The following KIRREL3 variants were observed in gnomAD, a reference collection of about 807,000 sequenced individuals.
The protein encoded by KIRREL3 is kin of IRRE-like protein 3.
Under a neutral mutation model 89.7 loss-of-function variants are expected in KIRREL3, and 36 were observed. The ratio of observed to expected loss-of-function variants is 0.40; its 90% CI spans 0.31 to 0.53. The LOEUF (loss-of-function observed/expected upper bound fraction) is 0.53, where lower values mean the gene tolerates loss of function less well. Ranked by LOEUF, KIRREL3 falls within the 20% of genes least tolerant of loss-of-function variation. The pLI is 0.49. For synonymous variants in KIRREL3, 445 were observed against 441.4 expected, an observed-to-expected ratio of 1.01 and a Z score of -0.10; for missense variants, 864 against 1,056.6, an observed-to-expected ratio of 0.82 and a Z score of 2.53.
intron 1 of KIRREL3, among the ~76,000 whole-genome samples, chr11:126,798,091 A>G (rs959914668): frequency 6.6e-6 from 1 of 152,102 alleles, no homozygotes; most frequent in African/African-American, 2.4e-5. Context: ...CACCACAGCC[A>G]GGTGGAGAGG....
Position 126,541,047 on chromosome 11 carries a change from G to A in KIRREL3, c.134-14360C>T, listed in dbSNP as rs1206474400. 6.6e-6 allele frequency among the ~76,000 whole-genome samples: 1 copy of A among 152,172 alleles called. No homozygotes were observed. The highest frequency in any genetic ancestry group is 1.5e-5 in the Non-Finnish European group (1 of 68,034). ...AAGAGGGAGCTGCAGGCTCGGCTAT[G>A]GGCAGGCTCGGCTACAGCAGACAGA... On this transcript the variant is annotated intron_variant, in intron 2 of 16. Coordinates refer to ENST00000525144, the MANE Select transcript of KIRREL3 (RefSeq NM_032531.4). The surrounding 1 kb of genome is among the most constrained non-coding windows in gnomAD (Gnocchi z 4.8).
intron 1 of KIRREL3, among the ~76,000 whole-genome samples, chr11:126,599,196 T>C (rs778276460): frequency 5.3e-5 from 8 of 152,140 alleles, no homozygotes; most frequent in Non-Finnish European, 1.0e-4. Context: ...ATATAAATGT[T>C]TCTAGAAATC....
At chr11:126,834,408 C>G (rs1416568646) in intron 1 of KIRREL3, among the ~76,000 whole-genome samples, 3 of 152,214 alleles carry the variant, frequency 2.0e-5, no homozygotes, top group African/African-American at 7.2e-5. Flanking sequence ...AAAAGCCTGA[C>G]TCACAGATAA....
Position 126,732,515 on chromosome 11 carries a change from G to A in KIRREL3, c.56-169603C>T, listed in dbSNP as rs796521765. Among the ~76,000 whole-genome samples the A allele has an allele frequency of 9.2e-5, 14 of 152,264 alleles. 1 individual carries two copies. Among genetic ancestry groups the A allele is most frequent in the African/African-American group, 3.4e-4 (14 of 41,550 alleles). On this transcript the variant is annotated intron_variant, in intron 1 of 16. Transcript: ENST00000525144. ...ATGACGTTTTCTACTAAGCAAGTTA[G>A]GACTAAACAGCTCATAACAACAGCC...
Position 126,446,481 on chromosome 11 carries a change from T to G in KIRREL3, c.1125+278A>C, listed in dbSNP as rs964717088. 7.2e-5 allele frequency among the ~76,000 whole-genome samples: 11 copies of G among 152,158 alleles called. No homozygotes were observed. The East Asian group carries it at 1.9e-3, about 27-fold the overall frequency. ...CCACTGTGCCCACTTGAAAAGCCTTTCTAGTGCCTTCCCTCCCAGCACATT... is the reference window on the plus strand; with the variant it reads ...CCACTGTGCCCACTTGAAAAGCCTTGCTAGTGCCTTCCCTCCCAGCACATT... On this transcript the variant is annotated intron_variant, in intron 9 of 16. Transcript: ENST00000525144.
rs951322906 is a variant in KIRREL3 at position 126,959,439 on chromosome 11, T to C, written c.55+41016A>G. Among the ~76,000 whole-genome samples, 20 of 152,320 alleles carry C rather than the reference T, an allele frequency of 1.3e-4. 1 individual carries two copies. Among genetic ancestry groups the C allele is most frequent in the African/African-American group, 3.4e-4 (14 of 41,552 alleles). ...ACTCTTATACCCCTAAATGTTGTTGTTGTTGTTGTTGTTTTAGCCAGGGTT... is the reference window on the plus strand; with the variant it reads ...ACTCTTATACCCCTAAATGTTGTTGCTGTTGTTGTTGTTTTAGCCAGGGTT... On this transcript the variant is annotated intron_variant, in intron 1 of 16. Coordinates refer to ENST00000525144, the MANE Select transcript of KIRREL3 (RefSeq NM_032531.4).
chr11:126,467,070 C>T (rs1956747423), intron 5 of KIRREL3, among the ~76,000 whole-genome samples: 1 of 152,260 alleles, frequency 6.6e-6, no homozygotes, highest in Admixed American at 6.5e-5. Context: ...GGCGTGTGTG[C>T]AGCATGTGTC....
Position 126,755,823 on chromosome 11 carries a change from CAGAGAGAGAG to C in KIRREL3, c.56-192921_56-192912del, listed in dbSNP as rs10616492. Among the ~76,000 whole-genome samples, 341 of 147,944 alleles carry C rather than the reference CAGAGAGAGAG, an allele frequency of 2.3e-3. 1 individual carries two copies. Among genetic ancestry groups the C allele is most frequent in the African/African-American group, 5.9e-3 (237 of 39,854 alleles). On this transcript the variant is annotated intron_variant, in intron 1 of 16. Coordinates refer to ENST00000525144, the MANE Select transcript of KIRREL3 (RefSeq NM_032531.4). This position sits in a 1 kb window ranked among gnomAD's most constrained non-coding sequence, Gnocchi z 4.3. ...GCGTGCTCGCCATCTGCCATTCAGG[CAGAGAGAGAG>C]AGAGAGAGAGAGAGAGAGAGAGGGA...
Position 126,568,480 on chromosome 11 carries a change from G to T in KIRREL3, c.56-5568C>A, listed in dbSNP as rs1190769723. On this transcript the variant is annotated intron_variant, in intron 1 of 16. Coordinates refer to ENST00000525144, the MANE Select transcript of KIRREL3 (RefSeq NM_032531.4). This position sits in a 1 kb window ranked among gnomAD's most constrained non-coding sequence, Gnocchi z 4.6. ...CCTGCCACGTTGACATAGAGAGCAG[G>T]GGAGGGGCTGAAAAAATAGCTCCCA... 1.3e-5 allele frequency among the ~76,000 whole-genome samples: 2 copies of T among 152,184 alleles called. No homozygotes were observed. Among genetic ancestry groups the T allele is most frequent in the Non-Finnish European group, 2.9e-5 (2 of 68,026 alleles).
intron 12 of KIRREL3, 50 bp from the exon 13 acceptor site, chr11:126,435,353 G>A: frequency 6.2e-7 from 1 of 1,603,624 alleles, no homozygotes; most frequent in Non-Finnish European, 8.5e-7. Context: ...GCTGGCCAGG[G>A]TGGGGTGGGA....
chr11:126,894,542 CAAAA>C lies in KIRREL3; in HGVS notation c.55+105909_55+105912del, dbSNP rs10630231. Reference sequence around the variant, plus strand: ...TGGGCAACATAATGAGACCTCATCTCAAAAAAAAAAAAAAAAAAAAAAAAAAAAG... The same window carrying C: ...TGGGCAACATAATGAGACCTCATCTCAAAAAAAAAAAAAAAAAAAAAAAAG... On this transcript the variant is annotated intron_variant, in intron 1 of 16. Coordinates refer to ENST00000525144, the MANE Select transcript of KIRREL3 (RefSeq NM_032531.4). Among the ~76,000 whole-genome samples the C allele has an allele frequency of 5.1e-4, 9 of 17,488 alleles. No homozygotes were observed. In the East Asian group the frequency reaches 9.8e-3, roughly 19 times the overall value. 11.5% of individuals were successfully genotyped at this position (17,488 alleles called of 152,430 possible). A position where few individuals can be genotyped will look rare whatever the true frequency, so the allele number is the denominator to read the frequency against.
At position 126,817,255 on chromosome 11, in the gene KIRREL3, G is replaced by A. The variant is rs1445596736; in HGVS notation, c.55+183200C>T. Among the ~76,000 whole-genome samples, 2 of 152,190 alleles carry A rather than the reference G, an allele frequency of 1.3e-5. No homozygotes were observed. ...GTTGAGGATGTTTACTTTTGCATCTGTCAACTGAAAAGGAAGGAAATGAGG... is the reference window on the plus strand; with the variant it reads ...GTTGAGGATGTTTACTTTTGCATCTATCAACTGAAAAGGAAGGAAATGAGG... On this transcript the variant is annotated intron_variant, in intron 1 of 16. Coordinates refer to ENST00000525144, the MANE Select transcript of KIRREL3 (RefSeq NM_032531.4). This position sits in a 1 kb window ranked among gnomAD's most constrained non-coding sequence, Gnocchi z 5.7.
intron 1 of KIRREL3, among the ~76,000 whole-genome samples, chr11:126,873,946 A>G (rs1945188627): frequency 6.6e-6 from 1 of 152,126 alleles, no homozygotes; most frequent in Non-Finnish European, 1.5e-5. Context: ...CCTGCTAAAA[A>G]CTTTTTTTTC....
At chr11:126,457,558 G>A (rs1436745216) in intron 6 of KIRREL3, among the ~76,000 whole-genome samples, 1 of 144,376 alleles carries the variant, frequency 6.9e-6, no homozygotes, top group Non-Finnish European at 1.5e-5. Flanking sequence ...CAAAGATGAG[G>A]AAGTGACAGG....
intron 2 of KIRREL3, among the ~76,000 whole-genome samples, chr11:126,529,484 G>T (rs548528858): frequency 1.5e-4 from 23 of 152,036 alleles, no homozygotes; most frequent in African/African-American, 5.6e-4. Flanking sequence ...GGCCTTTTGA[G>T]GGGGAGCATC....
rs1469388567 is a variant in KIRREL3, at chr11:126,877,823, T to G, written c.55+122632A>C. Reference sequence around the variant, plus strand: ...ACAGTAGTATGTAATAACAGAAGTATCTTGAACCTATCATCCACATGTTTT... The same window carrying G: ...ACAGTAGTATGTAATAACAGAAGTAGCTTGAACCTATCATCCACATGTTTT... On this transcript the variant is annotated intron_variant, in intron 1 of 16. Transcript: ENST00000525144. This position sits in a 1 kb window ranked among gnomAD's most constrained non-coding sequence, Gnocchi z 4.9. Among the ~76,000 whole-genome samples the G allele has an allele frequency of 3.3e-5, 5 of 152,138 alleles. 1 individual carries two copies. The highest frequency in any genetic ancestry group is 1.2e-4 in the African/African-American group (5 of 41,412).
chr11:126,487,106 TA>T (rs1957384682), intron 4 of KIRREL3, among the ~76,000 whole-genome samples: 1 of 152,144 alleles, frequency 6.6e-6, no homozygotes, highest in Non-Finnish European at 1.5e-5. Flanking sequence ...TTAAGGGGTT[TA>T]AAAAATAAGC....
At chr11:126,450,186 T>C (rs891010455) in intron 7 of KIRREL3, among the ~76,000 whole-genome samples, 10 of 150,674 alleles carry the variant, frequency 6.6e-5, no homozygotes, top group Non-Finnish European at 1.0e-4. Flanking sequence ...CATGTATGTG[T>C]GTGCATGTGT....
rs975103355 is a variant in KIRREL3 at position 126,978,020 on chromosome 11, G to A, written c.55+22435C>T. On this transcript the variant is annotated intron_variant, in intron 1 of 16. Coordinates refer to ENST00000525144, the MANE Select transcript of KIRREL3 (RefSeq NM_032531.4). This position sits in a 1 kb window ranked among gnomAD's most constrained non-coding sequence, Gnocchi z 4.2. ...GAGTGGATTTCTGTAGTACGACTCT[G>A]CTGCCAGTCTACTGACAGCCTCCTT... Among the ~76,000 whole-genome samples the A allele has an allele frequency of 3.3e-5, 5 of 152,128 alleles. No homozygotes were observed. The highest frequency in any genetic ancestry group is 7.3e-5 in the Non-Finnish European group (5 of 68,036).
Sources: gnomAD v4.1 joint callset for allele counts (sites outside exome capture counted in the v4.1 genomes callset) on GRCh38, gnomAD v4.1.1 for gene constraint, Gnocchi (gnomAD v3.1) non-coding constraint, MANE v1.5 for transcripts, NCBI Gene and HGNC (gene_info 2026-07-23, HGNC 2026-07-21) for gene names.